Variants in PPP2R2B observed in about 807,000 individuals in gnomAD.
The protein encoded by PPP2R2B is serine/threonine-protein phosphatase 2A 55 kDa regulatory subunit B beta isoform.
Under a neutral mutation model 46.0 loss-of-function variants are expected in PPP2R2B, and 5 were observed. The observed-to-expected ratio is 0.11, with a 90% CI of 0.06 to 0.23. The LOEUF (loss-of-function observed/expected upper bound fraction) is 0.23. Ranked by LOEUF, PPP2R2B falls within the 10% of genes least tolerant of loss-of-function variation. The pLI is 1.00. For missense variants in PPP2R2B, 367 were observed against 575.0 expected (o/e 0.64, Z 3.70); for synonymous variants, 215 against 206.7 (o/e 1.04, Z -0.34).
At chr5:146,857,465 G>T (rs1760741615) in intron 2 of PPP2R2B, among the ~76,000 whole-genome samples, 1 of 152,054 alleles carries the variant, frequency 6.6e-6, no homozygotes, top group Non-Finnish European at 1.5e-5. Context: ...TGCTGATGGT[G>T]CATGGAGTAG....
intron 7 of PPP2R2B, among the ~76,000 whole-genome samples, chr5:146,633,414 G>A (rs529724233): frequency 6.6e-6 from 1 of 152,346 alleles, no homozygotes; most frequent in East Asian, 1.9e-4. Flanking sequence ...CGTTTGAGGA[G>A]GATGGAGAAA....
chr5:146,635,634 T>C (rs1258456433), intron 7 of PPP2R2B, among the ~76,000 whole-genome samples: 1 of 152,202 alleles, frequency 6.6e-6, no homozygotes, highest in East Asian at 1.9e-4. Context: ...GGTTCTGCCT[T>C]CACTCACTAG....
chr5:146,897,404 C>T (rs1762681311), intron 1 of PPP2R2B, among the ~76,000 whole-genome samples: 1 of 152,160 alleles, frequency 6.6e-6, no homozygotes, highest in Non-Finnish European at 1.5e-5. Flanking sequence ...CTGGGGTGGA[C>T]TAAGGTCACA....
chr5:146,899,761 T>C (rs1016479017), intron 1 of PPP2R2B, among the ~76,000 whole-genome samples: 1 of 152,102 alleles, frequency 6.6e-6, no homozygotes, highest in African/African-American at 2.4e-5. Context: ...AATAAGGAAA[T>C]TATTAAAGAA....
intron 2 of PPP2R2B, among the ~76,000 whole-genome samples, chr5:146,804,764 T>C (rs757394896): frequency 2.0e-5 from 3 of 152,022 alleles, no homozygotes; most frequent in Non-Finnish European, 4.4e-5. Context: ...AATTGCAAAA[T>C]ATGTGCCAAT....
chr5:146,754,837 G>C (rs1450459590), intron 2 of PPP2R2B, among the ~76,000 whole-genome samples: 1 of 152,148 alleles, frequency 6.6e-6, no homozygotes, highest in Non-Finnish European at 1.5e-5. Flanking sequence ...GGTGAGCCAT[G>C]ATGGAAGCAC....
chr5:146,876,342 A>G (rs1761896632), intron 2 of PPP2R2B, among the ~76,000 whole-genome samples: 1 of 152,052 alleles, frequency 6.6e-6, no homozygotes, highest in Non-Finnish European at 1.5e-5. Flanking sequence ...ACATAGCTCC[A>G]CTCTGGGCAT....
At chr5:147,075,783 C>G (rs1478349242) in intron 2 of PPP2R2B, among the ~76,000 whole-genome samples, 2 of 152,116 alleles carry the variant, frequency 1.3e-5, no homozygotes, top group East Asian at 1.9e-4. Flanking sequence ...AGCCTGTTAT[C>G]TCTTCATCTG....
At chr5:146,694,280 G>A (rs1218349631) in intron 4 of PPP2R2B, among the ~76,000 whole-genome samples, 1 of 152,194 alleles carries the variant, frequency 6.6e-6, no homozygotes, top group African/African-American at 2.4e-5. Context: ...TTGCGCTGGA[G>A]CGAAAGGAGA....
intron 7 of PPP2R2B, among the ~76,000 whole-genome samples, chr5:146,634,023 T>C (rs1245462360): frequency 6.6e-6 from 1 of 152,210 alleles, no homozygotes; most frequent in Non-Finnish European, 1.5e-5. Flanking sequence ...GTTAATGTTA[T>C]GTATTAGCTT....
chr5:147,040,111 G>T (rs1323472435), intron 1 of PPP2R2B, among the ~76,000 whole-genome samples: 1 of 152,090 alleles, frequency 6.6e-6, no homozygotes, highest in Non-Finnish European at 1.5e-5. Flanking sequence ...CTTCTTCCAT[G>T]CCATAAAATC....
chr5:147,072,057 TA>T (rs1757616427), intron 2 of PPP2R2B, among the ~76,000 whole-genome samples: 1 of 152,200 alleles, frequency 6.6e-6, no homozygotes, highest in African/African-American at 2.4e-5. Context: ...AGATGAGCAG[TA>T]AAAAAATTTC....
chr5:146,591,092 GA>G (rs1008610490), intron 9 of PPP2R2B, among the ~76,000 whole-genome samples: 1 of 152,064 alleles, frequency 6.6e-6, no homozygotes, highest in Non-Finnish European at 1.5e-5. Flanking sequence ...GGGAGGGAGA[GA>G]TTCCTTGGGC....
intron 2 of PPP2R2B, among the ~76,000 whole-genome samples, chr5:146,764,861 C>G (rs1429431378): frequency 6.6e-6 from 1 of 152,072 alleles, no homozygotes; most frequent in African/African-American, 2.4e-5. Context: ...CGCACACGTA[C>G]TCTGCCCCAT....
chr5:146,641,552 C>G (rs1426481299), intron 6 of PPP2R2B, among the ~76,000 whole-genome samples: 1 of 141,060 alleles, frequency 7.1e-6, no homozygotes, highest in African/African-American at 2.8e-5. Context: ...GGGACACAAG[C>G]CTGATAAGGG....
chr5:146,881,453 C>T (rs1244045604), upstream of PPP2R2B, among the ~76,000 whole-genome samples: 1 of 152,064 alleles, frequency 6.6e-6, no homozygotes, highest in Non-Finnish European at 1.5e-5. Context: ...CTCTCTGTCA[C>T]CCAGGCTGGA....
At chr5:146,822,336 C>T (rs1271789567) in intron 2 of PPP2R2B, among the ~76,000 whole-genome samples, 1 of 152,158 alleles carries the variant, frequency 6.6e-6, no homozygotes, top group Non-Finnish European at 1.5e-5. Context: ...AATCACCCAT[C>T]TTTTCATGGC....
chr5:146,952,693 T>C (rs1314827348), intron 1 of PPP2R2B, among the ~76,000 whole-genome samples: 2 of 152,100 alleles, frequency 1.3e-5, no homozygotes, highest in Admixed American at 1.3e-4. Context: ...CTCTATAAGG[T>C]ACAATGTTAT....
intron 8 of PPP2R2B, among the ~76,000 whole-genome samples, chr5:146,597,990 T>C (rs983706384): frequency 1.3e-5 from 2 of 152,224 alleles, no homozygotes; most frequent in African/African-American, 4.8e-5. Flanking sequence ...AGTGGCTTAT[T>C]CCTATCAGCA....
Sources: gnomAD v4.1 joint callset for allele counts (sites outside exome capture counted in the v4.1 genomes callset) on GRCh38, gnomAD v4.1.1 for gene constraint, MANE v1.5 for transcripts, NCBI Gene and HGNC (gene_info 2026-07-23, HGNC 2026-07-21) for gene names.